The following IFT46 variants were observed in gnomAD, a reference collection of about 807,000 sequenced individuals.
IFT46 encodes the protein intraflagellar transport 46, also known as intraflagellar transport protein 46 homolog.
Under a neutral mutation model 39.6 loss-of-function variants are expected in IFT46, and 19 were observed. The observed-to-expected ratio is 0.48, with a 90% CI of 0.33 to 0.70. The LOEUF is 0.70. IFT46 is among the 30% of genes least tolerant of loss of function. IFT46 has a pLI of 0.01. For synonymous variants in IFT46, 117 were observed against 134.8 expected, an observed-to-expected ratio of 0.87 and a Z score of 0.91; for missense variants, 334 against 364.8, an observed-to-expected ratio of 0.92 and a Z score of 0.69.
At chr11:118,553,429 A>G (rs146324008) in intron 7 of IFT46, among the ~76,000 whole-genome samples, 1,661 of 151,648 alleles carry the variant, frequency 0.011, 30 homozygotes, top group African/African-American at 0.037. Flanking sequence ...CAACAAGAGT[A>G]AAACTGTCTC....
intron 9 of IFT46, among the ~76,000 whole-genome samples, chr11:118,550,532 G>A (rs1951784908): frequency 6.6e-6 from 1 of 150,960 alleles, no homozygotes; most frequent in Non-Finnish European, 1.5e-5. Context: ...TGCTGCCCAC[G>A]CTGGTCCTGA....
intron 2 of IFT46, chr11:118,560,434 TGGGAGGGGAAGGGAG>T (rs1409505475): frequency 1.4e-3 from 84 of 58,424 alleles, no homozygotes; most frequent in South Asian, 2.2e-3. Flanking sequence ...AGAAACGGAA[TGGGAGGGGAAGGGAG>T]GGGAGGGGAG....
At position 118,572,089 on chromosome 11, in the gene IFT46, C is replaced by CAAA. The variant is rs782363912; in HGVS notation, c.-133+504_-133+506dup. Among the ~76,000 whole-genome samples the CAAA allele has an allele frequency of 8.4e-4, 80 of 94,998 alleles. 3 individuals carry two copies. The East Asian group carries it at 9.0e-3, about 11-fold the overall frequency. 62.3% of individuals were successfully genotyped at this position (94,998 alleles called of 152,430 possible). On this transcript the variant is annotated intron_variant, in intron 1 of 5. Transcript: ENST00000528378. ...TGGGCGACAGAGTGAGACTCCATCTCAAAAAAAAAAAAAAAAAGTTCTTTA... is the reference window on the plus strand; with the variant it reads ...TGGGCGACAGAGTGAGACTCCATCTCAAAAAAAAAAAAAAAAAAAAGTTCTTTA...
chr11:118,553,022 C>T (rs1937700883), intron 7 of IFT46, among the ~76,000 whole-genome samples: 1 of 151,838 alleles, frequency 6.6e-6, no homozygotes, highest in African/African-American at 2.4e-5. Flanking sequence ...ATCGAGGCTA[C>T]AGTGAGCCCC....
rs782548055 is a variant in IFT46, at chr11:118,557,031, GGTC to G, written c.57_59del (p.Lys19_Thr20delinsAsn). ...AGCCCCGTTGAGGTGTCAACTGTGA[GGTC>G]TTCTTCTTCTCCTGTGATAGGGCAG... On this transcript the variant is annotated inframe_deletion, in exon 4 of 12. Coordinates refer to ENST00000264021, the MANE Select transcript of IFT46 (RefSeq NM_001168618.2). 6.2e-7 allele frequency: 1 copy of G among 1,602,028 alleles called. No homozygotes were observed. The highest frequency in any genetic ancestry group is 2.2e-5 in the East Asian group (1 of 44,628).
At chr11:118,571,956 G>T (rs1477257806) in intron 1 of IFT46, among the ~76,000 whole-genome samples, 1 of 152,024 alleles carries the variant, frequency 6.6e-6, no homozygotes, top group Non-Finnish European at 1.5e-5. Flanking sequence ...AGCGTGGTGT[G>T]GCGCGTGCCT....
intron 3 of IFT46, among the ~76,000 whole-genome samples, chr11:118,558,921 A>C (rs1207480247): frequency 6.7e-5 from 10 of 149,540 alleles, no homozygotes; most frequent in South Asian, 4.2e-4. Flanking sequence ...TCAAAAAAAA[A>C]AAACAAACAA....
intron 2 of IFT46, among the ~76,000 whole-genome samples, chr11:118,562,794 G>A (rs1475723547): frequency 2.6e-5 from 4 of 152,164 alleles, no homozygotes; most frequent in East Asian, 1.9e-4. Context: ...GGCTTGGTGC[G>A]GTGGCTCACG....
intron 9 of IFT46, among the ~76,000 whole-genome samples, chr11:118,549,749 T>G (rs1951773038): frequency 6.6e-6 from 1 of 151,476 alleles, no homozygotes. Context: ...GGTCTCGATC[T>G]CTTGACCTCA....
chr11:118,557,311 T>G, intron 3 of IFT46: 3 of 413,854 alleles, frequency 7.2e-6, no homozygotes, highest in Non-Finnish European at 1.3e-5. Flanking sequence ...TACATATTAC[T>G]TAGATCTTCA....
chr11:118,575,115 A>T (rs1183757901), upstream of IFT46, among the ~76,000 whole-genome samples: 2 of 152,028 alleles, frequency 1.3e-5, no homozygotes, highest in South Asian at 4.1e-4. Context: ...AGTAGCTGGG[A>T]CTGCAGGCGC....
chr11:118,560,826 C>A, intron 2 of IFT46: 1 of 750,946 alleles, frequency 1.3e-6, no homozygotes, highest in South Asian at 1.4e-5. Flanking sequence ...AAATACAACA[C>A]ACCCAAATAT....
chr11:118,560,825 A>G (rs541365771), intron 2 of IFT46: 93 of 750,632 alleles, frequency 1.2e-4, no homozygotes, highest in Non-Finnish European at 2.2e-4. Flanking sequence ...TAAATACAAC[A>G]CACCCAAATA....
chr11:118,573,913 C>T (rs1366699290), upstream of IFT46: 27 of 457,232 alleles, frequency 5.9e-5, no homozygotes, highest in Non-Finnish European at 1.0e-4. Context: ...ACTCAGTTCC[C>T]GTTTACACCC....
chr11:118,572,705 C>T, exon 1 of IFT46: 1 of 857,118 alleles, frequency 1.2e-6, no homozygotes, highest in Non-Finnish European at 1.8e-6. Flanking sequence ...GCCTCCTGTG[C>T]CCGGTCTCCT....
At chr11:118,554,674 A>G (rs1555069108) in intron 6 of IFT46, 87 bp from the exon 7 acceptor site, 3 of 1,379,602 alleles carry the variant, frequency 2.2e-6, no homozygotes, top group East Asian at 2.3e-5. Flanking sequence ...CATTATTACT[A>G]GTATTAAAAG....
At chr11:118,565,463 T>C (rs1555071299) in intron 1 of IFT46, 1 of 4,108 alleles carries the variant, frequency 2.4e-4, no homozygotes, top group Non-Finnish European at 4.5e-4. Context: ...ACCTCTGGGG[T>C]GGGGTGGGGT....
chr11:118,561,161 GT>G, intron 2 of IFT46: 4 of 1,437,204 alleles, frequency 2.8e-6, no homozygotes, highest in Non-Finnish European at 3.9e-6. Flanking sequence ...TGGCAATAAA[GT>G]TTTTGGCACC....
chr11:118,545,677 G>T (rs906806789), intron 10 of IFT46, 116 bp downstream of exon 10: 2 of 1,241,576 alleles, frequency 1.6e-6, no homozygotes, highest in Admixed American at 3.4e-5. Context: ...AGCACAACGG[G>T]CTTAAAGTGA....
Sources: allele counts gnomAD v4.1 joint callset (sites outside exome capture counted in the v4.1 genomes callset), GRCh38; gene constraint gnomAD v4.1.1; transcripts MANE v1.5; gene names NCBI Gene and HGNC (gene_info 2026-07-23, HGNC 2026-07-21).